Variants in RASSF3 observed in about 807,000 individuals in gnomAD.
RASSF3 encodes the protein Ras association domain family member 3, also known as ras association domain-containing protein 3.
In RASSF3, 19 loss-of-function variants were observed where a neutral mutation model predicts 19.9. The ratio of observed to expected loss-of-function variants is 0.96; its 90% confidence interval spans 0.67 to 1.40. RASSF3 has a LOEUF of 1.40. Among genes scored for constraint, RASSF3 ranks in the 40% most tolerant of loss-of-function variants. RASSF3 has a pLI of 0.00. For missense variants in RASSF3, 306 were observed against 289.8 expected (o/e 1.06, Z -0.41); for synonymous variants, 110 against 104.2 (o/e 1.06, Z -0.34).
chr12:64,562,222 GT>G (rs1869360574), intron 2 of RASSF3, among the ~76,000 whole-genome samples: 1 of 151,944 alleles, frequency 6.6e-6, no homozygotes, highest in South Asian at 2.1e-4. Context: ...AGTATTTTTG[GT>G]AGAGACAGAG....
In RASSF3 at chr12:64,513,166, TG is replaced by T. The variant is rs553553925; in HGVS notation, c.169+5840del. Among the ~76,000 whole-genome samples, 440 of 152,150 alleles carry T rather than the reference TG, an allele frequency of 2.9e-3. 1 individual carries two copies. The highest frequency in any genetic ancestry group is 5.4e-3 in the Non-Finnish European group (370 of 67,998). ...AGATGTTAAAAGCCAGATTTCAGGC[TG>T]GGTGCAGTGGCTCACACCTGTAATC... On this transcript the variant is annotated intron_variant, in intron 1 of 5. Transcript: ENST00000637125.
At position 64,696,513 on chromosome 12, in the gene RASSF3, T is replaced by C. The variant is rs1196771176; in HGVS notation, c.*1601T>C. The C allele has an allele frequency of 6.6e-6, 1 of 152,194 alleles. No individual in the cohort carries two copies. The highest frequency in any genetic ancestry group is 1.5e-5 in the Non-Finnish European group (1 of 68,030). 9.4% of individuals were successfully genotyped at this position (152,194 alleles called of 1,614,324 possible). On this transcript the variant is annotated 3_prime_UTR_variant, in exon 5 of 5. Coordinates refer to ENST00000542104, the MANE Select transcript of RASSF3 (RefSeq NM_178169.4). Reference sequence around the variant, plus strand: ...AGTCTAGATATTTTTTGTTTATAAATTCCCAAGGAATTGTTAACACTTTGG... The same window carrying C: ...AGTCTAGATATTTTTTGTTTATAAACTCCCAAGGAATTGTTAACACTTTGG...
chr12:64,552,022 C>T (rs1869172949), intron 2 of RASSF3, among the ~76,000 whole-genome samples: 1 of 152,134 alleles, frequency 6.6e-6, no homozygotes, highest in African/African-American at 2.4e-5. Context: ...TTTGTTGGTC[C>T]AAGAACAGAA....
chr12:64,688,206 C>T lies in RASSF3; in HGVS notation c.220-10C>T. ...ACCCAGCTAAGTGTGTGCTTCTCTC[C>T]CTGCTTCAGAATTCAAATGGGATTT... On this transcript the variant is annotated splice_polypyrimidine_tract_variant and intron_variant, in intron 2 of 4. Coordinates refer to ENST00000542104, the MANE Select transcript of RASSF3 (RefSeq NM_178169.4). 6.2e-7 allele frequency: 1 copy of T among 1,603,218 alleles called. No homozygotes were observed. The highest frequency in any genetic ancestry group is 1.3e-5 in the African/African-American group (1 of 74,794).
chr12:64,560,460 C>T (rs1869328789), intron 2 of RASSF3, among the ~76,000 whole-genome samples: 3 of 152,178 alleles, frequency 2.0e-5, no homozygotes, highest in Admixed American at 2.0e-4. Context: ...GCTATCATTC[C>T]CCCACAACCA....
intron 1 of RASSF3, among the ~76,000 whole-genome samples, chr12:64,516,773 G>C (rs1592385730): frequency 6.6e-6 from 1 of 152,010 alleles, no homozygotes; most frequent in South Asian, 2.1e-4. Flanking sequence ...GCCGAGGCGG[G>C]TGGATCATCT....
chr12:64,610,784 G>A (rs1401734496), intron 1 of RASSF3, 41 bp downstream of exon 1: 2 of 1,398,416 alleles, frequency 1.4e-6, no homozygotes, highest in Non-Finnish European at 9.8e-7. Context: ...GCGCCCCAGA[G>A]TTCCGGGGAA....
At chr12:64,544,074 C>T (rs751737191), downstream of RASSF3, among the ~76,000 whole-genome samples, 15 of 152,170 alleles carry the variant, frequency 9.9e-5, no homozygotes, top group African/African-American at 3.4e-4. Context: ...GCCTTGGCAC[C>T]TCGGTGGGGG....
At chr12:64,525,113 T>C (rs551045913) in intron 1 of RASSF3, among the ~76,000 whole-genome samples, 2 of 152,004 alleles carry the variant, frequency 1.3e-5, no homozygotes, top group South Asian at 4.2e-4. Context: ...CCATCTCTAC[T>C]ACAAATACAA....
chr12:64,532,289 T>C (rs1248521835), upstream of RASSF3, among the ~76,000 whole-genome samples: 2 of 152,120 alleles, frequency 1.3e-5, no homozygotes, highest in Non-Finnish European at 2.9e-5. Flanking sequence ...TTCTTGACTA[T>C]TATTATAGTG....
At chr12:64,642,234 G>T (rs1871561070) in intron 1 of RASSF3, among the ~76,000 whole-genome samples, 2 of 152,076 alleles carry the variant, frequency 1.3e-5, no homozygotes. Flanking sequence ...AAGGAAAAAA[G>T]TCAAGGATAT....
At chr12:64,573,316 C>CG (rs1187793096) in intron 2 of RASSF3, among the ~76,000 whole-genome samples, 1 of 152,140 alleles carries the variant, frequency 6.6e-6, no homozygotes, top group Non-Finnish European at 1.5e-5. Context: ...GTCTTAAAAA[C>CG]AAACAAACAA....
At chr12:64,588,308 A>G (rs1173212820) in intron 2 of RASSF3, among the ~76,000 whole-genome samples, 1 of 152,204 alleles carries the variant, frequency 6.6e-6, no homozygotes. Context: ...TCTGCATGAT[A>G]CAGAATTGCT....
At chr12:64,592,470 T>G (rs1869941042) in intron 2 of RASSF3, among the ~76,000 whole-genome samples, 1 of 152,164 alleles carries the variant, frequency 6.6e-6, no homozygotes, top group African/African-American at 2.4e-5. Flanking sequence ...TTTCAGTGTG[T>G]CTTTGATATT....
intron 1 of RASSF3, among the ~76,000 whole-genome samples, chr12:64,656,767 G>A (rs1257144539): frequency 6.6e-6 from 1 of 152,144 alleles, no homozygotes; most frequent in Non-Finnish European, 1.5e-5. Flanking sequence ...TCCTGATGTT[G>A]GTCCCTTAAT....
rs371399199 is a variant in RASSF3 at position 64,550,687 on chromosome 12, G to T, written c.294+8982G>T. ...CGAAAAGAAAAAGGAGGCCAGGAGT[G>T]GTGGTGGGTGCCTGTAACCCCAGCT... On this transcript the variant is annotated intron_variant, in intron 2 of 5. Transcript: ENST00000637125. 4.0e-4 allele frequency among the ~76,000 whole-genome samples: 61 copies of T among 151,730 alleles called. No individual in the cohort carries two copies. The East Asian group carries it at 8.3e-3, about 21-fold the overall frequency.
At chr12:64,678,847 C>A (rs1465764449) in intron 1 of RASSF3, among the ~76,000 whole-genome samples, 1 of 152,096 alleles carries the variant, frequency 6.6e-6, no homozygotes, top group African/African-American at 2.4e-5. Flanking sequence ...ATCTTCATAA[C>A]AGTTGTGTAG....
chr12:64,581,800 G>T lies in RASSF3; in HGVS notation c.294+40095G>T, dbSNP rs1038453435. On this transcript the variant is annotated intron_variant, in intron 2 of 5. Transcript: ENST00000637125. ...CAAAAGAGATTGACCTTTTTTTTTT[G>T]TTTTTCTTTTTTGTTTCTTCTTTTT... Among the ~76,000 whole-genome samples the T allele has an allele frequency of 1.3e-3, 185 of 143,792 alleles. 7 individuals carry two copies. Among genetic ancestry groups the T allele is most frequent in the African/African-American group, 4.5e-3 (171 of 37,860 alleles). 94.3% of individuals were successfully genotyped at this position (143,792 alleles called of 152,430 possible).
At chr12:64,518,500 T>C (rs908606915) in intron 1 of RASSF3, among the ~76,000 whole-genome samples, 1 of 152,112 alleles carries the variant, frequency 6.6e-6, no homozygotes, top group African/African-American at 2.4e-5. Context: ...AGATCTCACA[T>C]GAAGAGTGAG....
Sources: gnomAD v4.1 joint callset for allele counts (sites outside exome capture counted in the v4.1 genomes callset) on GRCh38, gnomAD v4.1.1 for gene constraint, MANE v1.5 for transcripts, NCBI Gene and HGNC (gene_info 2026-07-23, HGNC 2026-07-21) for gene names.